DDRGK1: variants seen among roughly 807,000 people sequenced by gnomAD.
DDRGK1 encodes DDRGK domain-containing protein 1.
In DDRGK1, 38 loss-of-function variants were observed where a neutral mutation model predicts 45.8. The ratio of observed to expected loss-of-function variants is 0.83; its 90% CI spans 0.64 to 1.09. DDRGK1 has a LOEUF of 1.09. DDRGK1 is among the 50% of genes least tolerant of loss of function. DDRGK1 has a pLI of 0.00. For missense variants in DDRGK1, 403 were observed against 419.9 expected, an observed-to-expected ratio of 0.96 and a Z score of 0.35; for synonymous variants, 171 against 168.7, an observed-to-expected ratio of 1.01 and a Z score of -0.11.
intron 2 of DDRGK1, among the ~76,000 whole-genome samples, chr20:3,201,126 C>T (rs34411219): frequency 0.034 from 4,881 of 143,486 alleles, 127 homozygotes; most frequent in East Asian, 0.13. Flanking sequence ...AAAAAAAATA[C>T]AAAAATAATT....
intron 5 of DDRGK1, 130 bp downstream of exon 5, chr20:3,195,101 G>A (rs2067004437): frequency 1.3e-6 from 2 of 1,504,956 alleles, no homozygotes; most frequent in South Asian, 1.2e-5. Flanking sequence ...ACTAAAGCCT[G>A]CTGGTACTGA....
In DDRGK1 at chr20:3,191,758, G is replaced by A. The variant is rs1260677835; in HGVS notation, c.729+7C>T. On this transcript the variant is annotated splice_region_variant and intron_variant, in intron 7 of 8. Coordinates refer to ENST00000354488, the MANE Select transcript of DDRGK1 (RefSeq NM_023935.3). ...CTGCACACAGCAGGCCACGTTCCAG[G>A]GCTTACCTGAGTGCGTAGGCCCACC... 1.2e-6 allele frequency: 2 copies of A among 1,601,140 alleles called. No homozygotes were observed. Among genetic ancestry groups the A allele is most frequent in the African/African-American group, 2.7e-5 (2 of 74,734 alleles).
chr20:3,204,298 T>G, intron 1 of DDRGK1, among the ~76,000 whole-genome samples: 2 of 148,774 alleles, frequency 1.3e-5, no homozygotes, highest in African/African-American at 2.5e-5. Context: ...TTCCCGGGGG[T>G]GAAGAGAGGG....
intron 1 of DDRGK1, among the ~76,000 whole-genome samples, chr20:3,204,039 G>A (rs1419490745): frequency 6.6e-6 from 1 of 152,194 alleles, no homozygotes; most frequent in African/African-American, 2.4e-5. Context: ...GGGAGGGAGA[G>A]TGGGCCCTCT....
intron 4 of DDRGK1, among the ~76,000 whole-genome samples, chr20:3,199,385 C>A (rs1158225582): frequency 1.3e-5 from 2 of 152,186 alleles, no homozygotes; most frequent in East Asian, 3.8e-4. Flanking sequence ...GGCTTATCAG[C>A]CACAGCACCC....
At chr20:3,193,037 C>A (rs1381319338) in intron 6 of DDRGK1, among the ~76,000 whole-genome samples, 1 of 152,148 alleles carries the variant, frequency 6.6e-6, no homozygotes, top group Non-Finnish European at 1.5e-5. Context: ...GATGACCTGG[C>A]CTGAGGTGCT....
chr20:3,203,718 C>T (rs1450795186), intron 1 of DDRGK1, among the ~76,000 whole-genome samples: 8 of 152,208 alleles, frequency 5.3e-5, no homozygotes, highest in Non-Finnish European at 1.0e-4. Flanking sequence ...TCGAGTACCC[C>T]CTGCAGGAAT....
chr20:3,194,654 G>A (rs368127568), intron 6 of DDRGK1, among the ~76,000 whole-genome samples, 176 bp downstream of exon 6: 3 of 152,246 alleles, frequency 2.0e-5, no homozygotes, highest in Non-Finnish European at 4.4e-5. Flanking sequence ...CTCCACCTTC[G>A]GGGTTGGAGG....
In DDRGK1 at chr20:3,191,172, T is replaced by C. The variant is rs751631925; in HGVS notation, c.778+18A>G. 6.2e-7 allele frequency: 1 copy of C among 1,614,154 alleles called. No homozygotes were observed. Among genetic ancestry groups the C allele is most frequent in the South Asian group, 1.1e-5 (1 of 91,074 alleles). On this transcript the variant is annotated intron_variant, in intron 8 of 8. Transcript: ENST00000354488. ...TCTCCAAGGCCAGGACTGCAGTGAT[T>C]GGCTCTCATCATCTCACCTGTTATA...
At position 3,190,708 on chromosome 20, in the gene DDRGK1, G is replaced by A. The variant is rs756031363; in HGVS notation, c.890C>T (p.Ala297Val). ...GRVSIAELAQ[A>V]SNSLIAWGRE... is the part of the protein sequence containing the mutation. ...GCCCCAGGCGATGAGGGAGTTGCTG[G>A]CTTGGGCAAGCTCGGCGATGGACAC... The change falls in exon 9 of 9, where the codon GCC (alanine) becomes GTC (valine). Residue 297 changes from alanine (A) to valine (V), a missense_variant. Coordinates refer to ENST00000354488, the MANE Select transcript of DDRGK1 (RefSeq NM_023935.3). The A allele has an allele frequency of 6.2e-7, 1 of 1,614,068 alleles. No homozygotes were observed. The highest frequency in any genetic ancestry group is 8.5e-7 in the Non-Finnish European group (1 of 1,179,984).
At position 3,200,005 on chromosome 20, in the gene DDRGK1, TGCTCCTCCTCCAGGCGAAGCC is replaced by T; in HGVS notation, c.485_505del (p.Arg162_Glu168del). 1 of 1,610,394 alleles carries T rather than the reference TGCTCCTCCTCCAGGCGAAGCC, an allele frequency of 6.2e-7. No individual in the cohort carries two copies. The highest frequency in any genetic ancestry group is 8.5e-7 in the Non-Finnish European group (1 of 1,178,576). On this transcript the variant is annotated inframe_deletion, in exon 4 of 9. Coordinates refer to ENST00000354488, the MANE Select transcript of DDRGK1 (RefSeq NM_023935.3). ...CAGGGTAGGGGCTGGCCTCACCTTCTGCTCCTCCTCCAGGCGAAGCCGCTCCTCCTCCTTCTTCCACTCAGC... is the reference window on the plus strand; with the variant it reads ...CAGGGTAGGGGCTGGCCTCACCTTCTGCTCCTCCTCCTTCTTCCACTCAGC...
intron 5 of DDRGK1, 93 bp downstream of exon 5, chr20:3,195,138 C>T (rs1600472354): frequency 1.9e-6 from 3 of 1,596,078 alleles, no homozygotes; most frequent in Admixed American, 1.7e-5. Context: ...ACTGCCTGGC[C>T]AGGGGCGTCT....
At chr20:3,194,112 GCT>G (rs1345067355) in intron 6 of DDRGK1, among the ~76,000 whole-genome samples, 2 of 152,130 alleles carry the variant, frequency 1.3e-5, no homozygotes, top group African/African-American at 2.4e-5. Context: ...TCTAAACCCT[GCT>G]CTCTTTCAGG....
chr20:3,201,495 A>C (rs916492144), intron 2 of DDRGK1, among the ~76,000 whole-genome samples: 7 of 150,244 alleles, frequency 4.7e-5, no homozygotes, highest in African/African-American at 1.7e-4. Context: ...AAAAAAAAAA[A>C]GATGAGAACT....
chr20:3,198,193 G>C (rs1206120099), intron 4 of DDRGK1, among the ~76,000 whole-genome samples: 2 of 150,584 alleles, frequency 1.3e-5, no homozygotes, highest in African/African-American at 2.4e-5. Context: ...GGATCACAAG[G>C]TCAAGAGATT....
rs8125944 is a variant in DDRGK1 at position 3,196,421 on chromosome 20, T to G, written c.511-1068A>C. On this transcript the variant is annotated intron_variant, in intron 4 of 8. Transcript: ENST00000354488. Reference sequence around the variant, plus strand: ...AGCCGGGCGTGGTGGCTCACGCCTGTAATCCCAGCACTTTGGGAGGCCAAG... The same window carrying G: ...AGCCGGGCGTGGTGGCTCACGCCTGGAATCCCAGCACTTTGGGAGGCCAAG... 4.3e-3 allele frequency among the ~76,000 whole-genome samples: 658 copies of G among 152,170 alleles called. 1 individual carries two copies. The highest frequency in any genetic ancestry group is 6.8e-3 in the Middle Eastern group (2 of 294).
intron 2 of DDRGK1, 41 bp downstream of exon 2, chr20:3,203,172 C>T: frequency 6.7e-7 from 1 of 1,486,900 alleles, no homozygotes; most frequent in Non-Finnish European, 9.0e-7. Flanking sequence ...ATCCCCCCCT[C>T]CAACCCAAAC....
intron 1 of DDRGK1, 67 bp downstream of exon 1, chr20:3,204,470 G>C: frequency 6.8e-7 from 1 of 1,468,086 alleles, no homozygotes; most frequent in Non-Finnish European, 9.1e-7. Flanking sequence ...GCGGCGCGAC[G>C]GTCCACAAAG....
intron 4 of DDRGK1, among the ~76,000 whole-genome samples, chr20:3,199,216 A>G (rs2067025308): frequency 1.3e-5 from 2 of 152,328 alleles, no homozygotes; most frequent in South Asian, 4.1e-4. Context: ...ATGTGTCAAT[A>G]TTAGTTGTGA....
Sources: allele counts gnomAD v4.1 joint callset (sites outside exome capture counted in the v4.1 genomes callset), GRCh38; gene constraint gnomAD v4.1.1; transcripts MANE v1.5; gene names NCBI Gene and HGNC (gene_info 2026-07-23, HGNC 2026-07-21).